Variants in HDAC9 observed in about 807,000 individuals in gnomAD.
HDAC9 encodes the protein histone deacetylase 9.
In HDAC9, 41 loss-of-function variants were observed where a neutral mutation model predicts 139.4. The ratio of observed to expected loss-of-function variants is 0.29; its 90% CI spans 0.23 to 0.38. The LOEUF is 0.38. Ranked by LOEUF, HDAC9 falls within the 10% of genes least tolerant of loss-of-function variation. HDAC9 has a pLI of 1.00. For synonymous variants in HDAC9, 517 were observed against 476.2 expected, an observed-to-expected ratio of 1.09 and a Z score of -1.12; for missense variants, 1,147 against 1,297.0, an observed-to-expected ratio of 0.88 and a Z score of 1.78.
chr7:18,590,180 C>T (rs117731874), intron 3 of HDAC9, among the ~76,000 whole-genome samples, 156 bp from the exon 4 acceptor site: 1,687 of 152,300 alleles, frequency 0.011, 9 homozygotes, highest in Non-Finnish European at 0.017. Context: ...GCATTAGTTG[C>T]TTGTCCTTAG....
chr7:18,412,693 A>G (rs1788686139), intron 1 of HDAC9, among the ~76,000 whole-genome samples: 1 of 152,192 alleles, frequency 6.6e-6, no homozygotes, highest in Admixed American at 6.5e-5. Flanking sequence ...AAACAAAGTG[A>G]ATGTTATTCA....
intron 8 of HDAC9, among the ~76,000 whole-genome samples, chr7:18,639,780 A>T (rs2129006454): frequency 6.6e-6 from 1 of 152,136 alleles, no homozygotes; most frequent in Non-Finnish European, 1.5e-5. Flanking sequence ...ATTGACACTC[A>T]TAAGGATGTC....
chr7:18,932,864 G>GAAAGAAAGAAAGAAAGAA (rs369930715), intron 22 of HDAC9, among the ~76,000 whole-genome samples: 3 of 150,430 alleles, frequency 2.0e-5, no homozygotes, highest in African/African-American at 7.5e-5. Context: ...AAGAAAGAAA[G>GAAAGAAAGAAAGAAAGAA]AAAGAAAGAA....
At chr7:18,829,595 G>A (rs1354572534) in intron 19 of HDAC9, 47 bp downstream of exon 19, 2 of 1,195,074 alleles carry the variant, frequency 1.7e-6, no homozygotes, top group African/African-American at 1.5e-5. Context: ...TCTAGATAAA[G>A]GGGAGTGGAT....
chr7:18,975,969 G>A lies in HDAC9; in HGVS notation c.3170+16G>A. 1 of 1,611,458 alleles carries A rather than the reference G, an allele frequency of 6.2e-7. No homozygotes were observed. Among genetic ancestry groups the A allele is most frequent in the Non-Finnish European group, 8.5e-7 (1 of 1,178,908 alleles). On this transcript the variant is annotated intron_variant, in intron 25 of 25. Transcript: ENST00000686413. ...AAGACAGCAGGTATGAATCCAACGT[G>A]CGGGAATAATCCGGGTCAGTCATAT... is the stretch of plus-strand genomic sequence containing the variant.
rs35714495 is a variant in HDAC9, at chr7:18,993,641, A to AT, written c.3171-2372dup. 5.3e-5 allele frequency among the ~76,000 whole-genome samples: 8 copies of AT among 150,798 alleles called. No homozygotes were observed. In the South Asian group the frequency reaches 6.3e-4, roughly 12 times the overall value. ...ACATAGCAAGACCCCATCTATAATT[A>AT]TTTTTTTTTTAATTAGCCCAGCATG... On this transcript the variant is annotated intron_variant, in intron 25 of 25. Coordinates refer to ENST00000686413, the MANE Select transcript of HDAC9 (RefSeq NM_178425.4).
At chr7:18,199,488 A>C (rs1474973897) in intron 2 of HDAC9, among the ~76,000 whole-genome samples, 2 of 152,084 alleles carry the variant, frequency 1.3e-5, no homozygotes, top group Non-Finnish European at 2.9e-5. Flanking sequence ...AATCTGATAG[A>C]TAAGAGATTA....
chr7:18,748,860 T>G, intron 13 of HDAC9, 145 bp from the exon 14 acceptor site: 142 of 774,848 alleles, frequency 1.8e-4, no homozygotes, highest in Middle Eastern at 5.4e-4. Context: ...TATGTGCTCC[T>G]GAGAATTTGC....
intron 2 of HDAC9, chr7:18,496,534 A>G: frequency 1.9e-6 from 1 of 533,920 alleles, no homozygotes; most frequent in South Asian, 2.9e-5. Context: ...CAGCTTCTGA[A>G]TGAAATTGCA....
At chr7:18,964,893 G>A (rs1488276551) in intron 24 of HDAC9, among the ~76,000 whole-genome samples, 4 of 152,174 alleles carry the variant, frequency 2.6e-5, no homozygotes, top group Non-Finnish European at 5.9e-5. Context: ...AGATTTGGGT[G>A]GGGGCACAAA....
At chr7:18,990,453 C>T (rs1785799765) in intron 25 of HDAC9, among the ~76,000 whole-genome samples, 1 of 152,252 alleles carries the variant, frequency 6.6e-6, no homozygotes, top group Non-Finnish European at 1.5e-5. Flanking sequence ...CTCTTCAATG[C>T]TGTCAGACAG....
chr7:18,137,372 T>C (rs1260712172), intron 1 of HDAC9, among the ~76,000 whole-genome samples: 1 of 150,950 alleles, frequency 6.6e-6, no homozygotes, highest in Non-Finnish European at 1.5e-5. Flanking sequence ...AGGGCATCCC[T>C]GTCTTATGCC....
At chr7:18,215,318 G>T (rs909129409) in intron 2 of HDAC9, among the ~76,000 whole-genome samples, 1 of 152,058 alleles carries the variant, frequency 6.6e-6, no homozygotes, top group South Asian at 2.1e-4. Context: ...AGAAAGTCCC[G>T]GTCCTTTCTT....
intron 12 of HDAC9, among the ~76,000 whole-genome samples, chr7:18,716,745 C>A (rs1455645304): frequency 6.6e-6 from 1 of 152,096 alleles, no homozygotes; most frequent in African/African-American, 2.4e-5. Flanking sequence ...TAAACTAAGT[C>A]CCTAAACCTC....
chr7:18,920,901 T>G (rs983051041), intron 22 of HDAC9, among the ~76,000 whole-genome samples: 1 of 152,052 alleles, frequency 6.6e-6, no homozygotes, highest in Non-Finnish European at 1.5e-5. Context: ...TTTGCCAGTA[T>G]TTTATTGAGG....
chr7:18,522,098 G>A (rs1357649642), intron 2 of HDAC9, among the ~76,000 whole-genome samples: 2 of 152,130 alleles, frequency 1.3e-5, no homozygotes, highest in Non-Finnish European at 2.9e-5. Context: ...CCAACAGGAG[G>A]ATGTTAGACC....
intron 8 of HDAC9, among the ~76,000 whole-genome samples, chr7:18,638,912 C>CGG (rs1331375523): frequency 1.3e-5 from 2 of 151,990 alleles, no homozygotes; most frequent in African/African-American, 2.4e-5. Flanking sequence ...CTTTACCTAT[C>CGG]TAGTTACTTT....
At chr7:18,568,397 G>C (rs1486589188) in intron 2 of HDAC9, among the ~76,000 whole-genome samples, 3 of 152,172 alleles carry the variant, frequency 2.0e-5, no homozygotes, top group Admixed American at 6.5e-5. Flanking sequence ...ATTCTCGTCT[G>C]TGAAATGGGG....
intron 12 of HDAC9, among the ~76,000 whole-genome samples, chr7:18,670,892 G>A (rs1795634555): frequency 6.6e-6 from 1 of 151,014 alleles, no homozygotes; most frequent in African/African-American, 2.4e-5. Context: ...TTCTAATGAG[G>A]GTTAGGGTTA....
Sources: allele counts gnomAD v4.1 joint callset (sites outside exome capture counted in the v4.1 genomes callset), GRCh38; gene constraint gnomAD v4.1.1; transcripts MANE v1.5; gene names NCBI Gene and HGNC (gene_info 2026-07-23, HGNC 2026-07-21).